Variants in SMG7 observed in about 807,000 individuals in gnomAD.
SMG7 encodes nonsense-mediated mRNA decay factor SMG7.
Under a neutral mutation model 148.2 loss-of-function variants are expected in SMG7, and 34 were observed. The observed-to-expected ratio is 0.23, with a 90% CI of 0.17 to 0.31. SMG7 has a LOEUF of 0.31. SMG7 is among the 10% of genes least tolerant of loss of function. SMG7 has a pLI of 1.00. For missense variants in SMG7, 1,114 were observed against 1,408.4 expected (o/e 0.79, Z 3.35); for synonymous variants, 492 against 515.1 (o/e 0.96, Z 0.61).
chr1:183,501,579 T>C (rs1193962825), intron 1 of SMG7, among the ~76,000 whole-genome samples: 1 of 152,198 alleles, frequency 6.6e-6, no homozygotes, highest in Non-Finnish European at 1.5e-5. Flanking sequence ...GTGACTTGAT[T>C]TACACCTGAC....
intron 10 of SMG7, among the ~76,000 whole-genome samples, chr1:183,534,759 C>T (rs1413511737): frequency 6.6e-6 from 1 of 151,432 alleles, no homozygotes; most frequent in African/African-American, 2.4e-5. Flanking sequence ...CCCACCACTT[C>T]GGGAGGCTGA....
chr1:183,503,042 G>A (rs1202220413), intron 1 of SMG7, among the ~76,000 whole-genome samples: 1 of 152,180 alleles, frequency 6.6e-6, no homozygotes, highest in Non-Finnish European at 1.5e-5. Flanking sequence ...ATGTTTATGA[G>A]CTCTGGGGTT....
chr1:183,481,888 T>G (rs1197126112), intron 1 of SMG7, among the ~76,000 whole-genome samples: 1 of 152,096 alleles, frequency 6.6e-6, no homozygotes, highest in East Asian at 1.9e-4. Flanking sequence ...TTTGAACTCC[T>G]GGCCTTAAGT....
At chr1:183,485,612 G>T (rs932402703) in intron 1 of SMG7, among the ~76,000 whole-genome samples, 1 of 152,114 alleles carries the variant, frequency 6.6e-6, no homozygotes, top group African/African-American at 2.4e-5. Flanking sequence ...CAGCTATTAT[G>T]GGGGAAAATA....
chr1:183,533,489 C>T (rs572735939), intron 9 of SMG7, among the ~76,000 whole-genome samples, 163 bp downstream of exon 9: 1 of 152,300 alleles, frequency 6.6e-6, no homozygotes, highest in East Asian at 1.9e-4. Flanking sequence ...ATCCTTTTAT[C>T]TGCTGATACC....
intron 1 of SMG7, among the ~76,000 whole-genome samples, chr1:183,490,770 C>T (rs1245421875): frequency 6.6e-6 from 1 of 151,970 alleles, no homozygotes; most frequent in Non-Finnish European, 1.5e-5. Context: ...CATTTCAAAT[C>T]CCCCCAAAGT....
intron 1 of SMG7, among the ~76,000 whole-genome samples, chr1:183,509,089 A>T (rs941182408): frequency 6.6e-6 from 1 of 152,100 alleles, no homozygotes; most frequent in African/African-American, 2.4e-5. Flanking sequence ...TGTTGTCTCA[A>T]CTCTGCCTTG....
intron 13 of SMG7, 104 bp from the exon 14 acceptor site, chr1:183,541,972 T>A (rs1668958227): frequency 4.3e-6 from 4 of 937,392 alleles, no homozygotes; most frequent in Non-Finnish European, 6.3e-6. Context: ...GCTGTTTTCA[T>A]GGTTATTAGT....
intron 1 of SMG7, among the ~76,000 whole-genome samples, chr1:183,476,824 CAAATT>C (rs1365356607): frequency 6.6e-6 from 1 of 151,990 alleles, no homozygotes; most frequent in East Asian, 1.9e-4. Context: ...ATTTATTACT[CAAATT>C]GAAGGAGAAT....
chr1:183,519,654 T>C (rs1388082032), intron 4 of SMG7, among the ~76,000 whole-genome samples: 1 of 152,126 alleles, frequency 6.6e-6, no homozygotes, highest in African/African-American at 2.4e-5. Flanking sequence ...TCCCAAAAAG[T>C]TCATTAATCC....
intron 1 of SMG7, among the ~76,000 whole-genome samples, chr1:183,485,498 T>G (rs1655227052): frequency 6.6e-6 from 1 of 152,208 alleles, no homozygotes; most frequent in Admixed American, 6.5e-5. Context: ...GTTGACCTGC[T>G]ATTCCTCCCT....
At position 183,526,726 on chromosome 1, in the gene SMG7, C is replaced by A. The variant is rs760506738; in HGVS notation, c.443C>A (p.Ser148Tyr). The stretch of plus-strand genomic sequence containing the variant: ...GTGAAGCCACAGTCTAGCTCCTGTT[C>A]CTATATCTGCCAGCACTGCCTCGTC... The part of the protein sequence containing the change: ...AIVKPQSSSC[S>Y]YICQHCLVHL... The change falls in exon 5 of 23, where the codon TCC (serine) becomes TAC (tyrosine). Residue 148 changes from serine (S) to tyrosine (Y), a missense_variant. Ser to Tyr is a moderately radical substitution (Grantham distance 144). This residue lies in a region of SMG7 where 216 missense variants were observed against 329.1 expected (regional missense o/e 0.66). Transcript: ENST00000688051. 1.2e-6 allele frequency: 2 copies of A among 1,613,488 alleles called. No homozygotes were observed. The highest frequency in any genetic ancestry group is 1.7e-6 in the Non-Finnish European group (2 of 1,179,718).
chr1:183,542,986 AAAATAT>A (rs1318191204), intron 14 of SMG7, among the ~76,000 whole-genome samples: 1 of 146,300 alleles, frequency 6.8e-6, no homozygotes, highest in Admixed American at 7.0e-5. Flanking sequence ...TTTTCTTGGA[AAAATAT>A]GAGACTTTTT....
At chr1:183,511,626 T>G (rs999105011) in intron 1 of SMG7, among the ~76,000 whole-genome samples, 1 of 152,190 alleles carries the variant, frequency 6.6e-6, no homozygotes, top group South Asian at 2.1e-4. Flanking sequence ...TTAGATTTTG[T>G]TCTTTACCCT....
intron 1 of SMG7, among the ~76,000 whole-genome samples, chr1:183,481,155 A>C (rs1571742513): frequency 6.6e-6 from 1 of 152,166 alleles, no homozygotes; most frequent in Admixed American, 6.5e-5. Context: ...AATGACCTGC[A>C]CCTACCTCTG....
chr1:183,536,082 T>C (rs1667731594), intron 10 of SMG7, among the ~76,000 whole-genome samples: 1 of 152,168 alleles, frequency 6.6e-6, no homozygotes, highest in East Asian at 1.9e-4. Context: ...GTCCAGTTTC[T>C]CTATCCTGGG....
Position 183,526,787 on chromosome 1 carries a change from G to C in SMG7, c.484+20G>C. On this transcript the variant is annotated intron_variant, in intron 5 of 22. Coordinates refer to ENST00000688051, the MANE Select transcript of SMG7 (RefSeq NM_001375584.1). The stretch of plus-strand genomic sequence containing the variant: ...ACATTGGTGAGCCTTTGCTGTGAAG[G>C]AATTGATAATATGTTCCTCCTTTTC... 1 of 1,586,806 alleles carries C rather than the reference G, an allele frequency of 6.3e-7. No homozygotes were observed. Among genetic ancestry groups the C allele is most frequent in the Non-Finnish European group, 8.6e-7 (1 of 1,167,024 alleles).
At chr1:183,477,414 G>A (rs1557934672) in intron 1 of SMG7, among the ~76,000 whole-genome samples, 2 of 151,754 alleles carry the variant, frequency 1.3e-5, no homozygotes, top group Non-Finnish European at 2.9e-5. Context: ...GTGTGTGTGT[G>A]TGTGTATGTG....
intron 1 of SMG7, among the ~76,000 whole-genome samples, chr1:183,512,190 G>C (rs1297400837): frequency 6.6e-6 from 1 of 152,152 alleles, no homozygotes; most frequent in Non-Finnish European, 1.5e-5. Context: ...CTCAAAATTG[G>C]TGCAAGGGAA....
Sources: gnomAD v4.1 joint callset for allele counts (sites outside exome capture counted in the v4.1 genomes callset) on GRCh38, gnomAD v4.1.1 for gene constraint, gnomAD v4.1.1 regional missense constraint, MANE v1.5 for transcripts, NCBI Gene and HGNC (gene_info 2026-07-23, HGNC 2026-07-21) for gene names.